The following IL17RC variants were observed in gnomAD, a reference collection of about 807,000 sequenced individuals.
IL17RC encodes the protein interleukin 17 receptor C.
Under a neutral mutation model 86.7 loss-of-function variants are expected in IL17RC, and 53 were observed. That is an observed-to-expected ratio of 0.61 (90% CI 0.49 to 0.77). IL17RC has a LOEUF of 0.77. IL17RC is among the 30% of genes least tolerant of loss of function. IL17RC has a pLI of 0.00. For missense variants in IL17RC, 957 were observed against 940.0 expected (o/e 1.02, Z -0.24); for synonymous variants, 439 against 413.1 (o/e 1.06, Z -0.76).
In IL17RC at chr3:9,918,317, G is replaced by C; in HGVS notation, c.281-18G>C. On this transcript the variant is annotated intron_variant, in intron 3 of 18. Coordinates refer to ENST00000403601, the MANE Select transcript of IL17RC (RefSeq NM_153460.4). The stretch of plus-strand genomic sequence containing the variant: ...AGCAGGGGGCCTCACCCAGGGCCTT[G>C]CTCTTGGGTCCTTCTAGGGCACTGG... 6.4e-7 allele frequency: 1 copy of C among 1,568,514 alleles called. No individual in the cohort carries two copies. The highest frequency in any genetic ancestry group is 2.4e-5 in the East Asian group (1 of 42,186).
At chr3:9,921,396 A>G (rs1477086671) in intron 7 of IL17RC, among the ~76,000 whole-genome samples, 1 of 152,106 alleles carries the variant, frequency 6.6e-6, no homozygotes, top group Non-Finnish European at 1.5e-5. Context: ...CAGGGGCTAC[A>G]GTAAGCTGAG....
At position 9,930,282 on chromosome 3, in the gene IL17RC, C is replaced by T. The variant is rs1018517959; in HGVS notation, c.1279-118C>T. The T allele has an allele frequency of 2.7e-5, 41 of 1,516,048 alleles. No individual in the cohort carries two copies. Among genetic ancestry groups the T allele is most frequent in the Middle Eastern group, 1.7e-4 (1 of 5,766 alleles). 93.9% of individuals were successfully genotyped at this position (1,516,048 alleles called of 1,614,324 possible). A position where few individuals can be genotyped will look rare whatever the true frequency, so the allele number is the denominator to read the frequency against. On this transcript the variant is annotated intron_variant, in intron 14 of 18. Transcript: ENST00000403601. This position sits in a 1 kb window ranked among gnomAD's most constrained non-coding sequence, Gnocchi z 5.8. ...TGACTCAGACCAGGGCCATATTCAG[C>T]GGCATCACCAAAGTCTCCCAGTCCC...
chr3:9,931,085 A>G, intron 16 of IL17RC, 142 bp downstream of exon 16: 1 of 768,390 alleles, frequency 1.3e-6, no homozygotes, highest in Non-Finnish European at 2.3e-6. Flanking sequence ...ATTCACTCAA[A>G]AAATGATGAG....
chr3:9,932,505 A>C (rs2084835131), intron 16 of IL17RC, 103 bp from the exon 17 acceptor site: 2 of 1,056,636 alleles, frequency 1.9e-6, no homozygotes, highest in East Asian at 4.7e-5. Flanking sequence ...GGATTATATA[A>C]AGGCATGAGC....
chr3:9,918,483 T>C lies in IL17RC; in HGVS notation c.356-17T>C. ...GCCGCTCCTGGGCCTGACTGACCCC[T>C]GCCCTGTTGCCCACAGCCTCTCTCC... On this transcript the variant is annotated splice_polypyrimidine_tract_variant and intron_variant, in intron 4 of 18. Transcript: ENST00000403601. The C allele has an allele frequency of 6.2e-7, 1 of 1,611,970 alleles. No homozygotes were observed. The highest frequency in any genetic ancestry group is 8.5e-7 in the Non-Finnish European group (1 of 1,178,058).
At position 9,930,277 on chromosome 3, in the gene IL17RC, T is replaced by TTC. The variant is rs900501483; in HGVS notation, c.1279-122_1279-121dup. 3.3e-6 allele frequency: 5 copies of TTC among 1,523,638 alleles called. No individual in the cohort carries two copies. Among genetic ancestry groups the TTC allele is most frequent in the Non-Finnish European group, 3.6e-6 (4 of 1,106,676 alleles). 94.4% of individuals were successfully genotyped at this position (1,523,638 alleles called of 1,614,324 possible). A position where few individuals can be genotyped will look rare whatever the true frequency, so the allele number is the denominator to read the frequency against. On this transcript the variant is annotated intron_variant, in intron 14 of 18. Coordinates refer to ENST00000403601, the MANE Select transcript of IL17RC (RefSeq NM_153460.4). This position sits in a 1 kb window ranked among gnomAD's most constrained non-coding sequence, Gnocchi z 5.8. ...GGGGGTGACTCAGACCAGGGCCATA[T>TTC]TCAGCGGCATCACCAAAGTCTCCCA...
rs763687642 is a variant in IL17RC at position 9,932,948 on chromosome 3, G to C, written c.1523-5G>C. On this transcript the variant is annotated splice_polypyrimidine_tract_variant and splice_region_variant and intron_variant, in intron 18 of 18. Coordinates refer to ENST00000403601, the MANE Select transcript of IL17RC (RefSeq NM_153460.4). ...TCTTCCCTCCCCATCTGTTTTCTCCGGCAGCGGCCGCCAGGGGCCGCGCGG... is the reference window on the plus strand; with the variant it reads ...TCTTCCCTCCCCATCTGTTTTCTCCCGCAGCGGCCGCCAGGGGCCGCGCGG... The C allele has an allele frequency of 6.2e-6, 10 of 1,608,790 alleles. No homozygotes were observed. Among genetic ancestry groups the C allele is most frequent in the South Asian group, 3.3e-5 (3 of 90,704 alleles).
rs770372179 is a variant in IL17RC at position 9,930,251 on chromosome 3, G to T, written c.1278+102G>T. 3.2e-6 allele frequency: 5 copies of T among 1,548,336 alleles called. No homozygotes were observed. Among genetic ancestry groups the T allele is most frequent in the Non-Finnish European group, 3.5e-6 (4 of 1,129,612 alleles). On this transcript the variant is annotated intron_variant, in intron 14 of 18. Coordinates refer to ENST00000403601, the MANE Select transcript of IL17RC (RefSeq NM_153460.4). This position sits in a 1 kb window ranked among gnomAD's most constrained non-coding sequence, Gnocchi z 5.8. ...ACCCTGTGCCGGTCTCTGGGAACATGGGGGGTGACTCAGACCAGGGCCATA... is the reference window on the plus strand; with the variant it reads ...ACCCTGTGCCGGTCTCTGGGAACATTGGGGGTGACTCAGACCAGGGCCATA...
At chr3:9,928,084 A>G in intron 9 of IL17RC, 82 bp from the exon 10 acceptor site, 2 of 1,317,028 alleles carry the variant, frequency 1.5e-6, no homozygotes, top group Non-Finnish European at 2.2e-6. Flanking sequence ...TACCTGCTGA[A>G]TGAGTGCATC....
In IL17RC at chr3:9,928,239, G is replaced by A. The variant is rs1228148471; in HGVS notation, c.877+19G>A. On this transcript the variant is annotated intron_variant, in intron 10 of 18. Transcript: ENST00000403601. ...AGGGAGGGTGAGCCGACCGGCCTGGGGCTGGGGTTGGGGTGTTGCGAGCGA... is the reference window on the plus strand; with the variant it reads ...AGGGAGGGTGAGCCGACCGGCCTGGAGCTGGGGTTGGGGTGTTGCGAGCGA... 6.3e-7 allele frequency: 1 copy of A among 1,574,976 alleles called. No homozygotes were observed. Among genetic ancestry groups the A allele is most frequent in the Non-Finnish European group, 8.5e-7 (1 of 1,171,526 alleles).
rs1480461047 is a variant in IL17RC, at chr3:9,923,787, G to C, written c.623-94G>C. The C allele has an allele frequency of 2.8e-6, 4 of 1,403,962 alleles. No individual in the cohort carries two copies. In the African/African-American group the frequency reaches 5.6e-5, roughly 20 times the overall value. The allele number at this position is 1,403,962 out of a possible 1,614,324, so 87.0% of individuals were successfully genotyped here. A position where few individuals can be genotyped will look rare whatever the true frequency, so the allele number is the denominator to read the frequency against. On this transcript the variant is annotated intron_variant, in intron 7 of 18. Transcript: ENST00000403601. ...CGCTCTGCCCTCCGAGAGCCTCCCAGTCTAGGGGGTTTGAAGGAAACTCCA... is the reference window on the plus strand; with the variant it reads ...CGCTCTGCCCTCCGAGAGCCTCCCACTCTAGGGGGTTTGAAGGAAACTCCA...
At chr3:9,931,477 A>ATATATATG (rs1553593551) in intron 16 of IL17RC, among the ~76,000 whole-genome samples, 5 of 15,046 alleles carry the variant, frequency 3.3e-4, no homozygotes, top group African/African-American at 4.6e-4. Context: ...ACACATATAT[A>ATATATATG]TATATATATA....
At position 9,932,823 on chromosome 3, in the gene IL17RC, G is replaced by T. The variant is rs760707054; in HGVS notation, c.1487G>T (p.Trp496Leu). The change falls in exon 18 of 19, where the codon TGG becomes TTG. Residue 496 changes from tryptophan (W) to leucine (L), a missense_variant. Trp to Leu is a moderately conservative substitution (Grantham distance 61). Transcript: ENST00000403601. ...LLLKKDHAKG[W>L]LRLLKQDVRS... Reference sequence around the variant, plus strand: ...CTCCGCCCCTCTCCCCTAACAGGGTGGCTGAGGCTCTTGAAACAGGACGTC... The same window carrying T: ...CTCCGCCCCTCTCCCCTAACAGGGTTGCTGAGGCTCTTGAAACAGGACGTC... The T allele has an allele frequency of 2.6e-6, 4 of 1,563,074 alleles. No homozygotes were observed. The Admixed American group carries it at 7.8e-5, about 31-fold the overall frequency.
intron 3 of IL17RC, 104 bp downstream of exon 3, chr3:9,918,179 TCTC>T: frequency 7.3e-7 from 1 of 1,367,256 alleles, no homozygotes; most frequent in African/African-American, 1.4e-5. Context: ...TCCTCAGTGT[TCTC>T]CTGGAGGACA....
At chr3:9,932,903 C>A in intron 18 of IL17RC, 45 bp downstream of exon 18, 1 of 1,603,534 alleles carries the variant, frequency 6.2e-7, no homozygotes, top group South Asian at 1.1e-5. Context: ...CCCGGGGAGC[C>A]AGGCCTGTGC....
intron 7 of IL17RC, 49 bp from the exon 8 acceptor site, chr3:9,923,832 A>G (rs1353658963): frequency 1.9e-6 from 3 of 1,602,220 alleles, no homozygotes; most frequent in Admixed American, 1.7e-5. Flanking sequence ...TCGGGGATGC[A>G]GAAGAGGTGA....
intron 7 of IL17RC, among the ~76,000 whole-genome samples, chr3:9,921,488 A>C (rs1237573607): frequency 6.6e-6 from 1 of 151,944 alleles, no homozygotes; most frequent in Non-Finnish European, 1.5e-5. Context: ...AAAACAAAAA[A>C]CTTGAAATAA....
At chr3:9,923,540 A>T (rs1397501810) in intron 7 of IL17RC, among the ~76,000 whole-genome samples, 1 of 150,972 alleles carries the variant, frequency 6.6e-6, no homozygotes, top group African/African-American at 2.4e-5. Context: ...ACAGAGCAAG[A>T]CTCCCTCTCA....
chr3:9,917,919 A>G lies in IL17RC; in HGVS notation c.128-4A>G, dbSNP rs1453475941. On this transcript the variant is annotated splice_polypyrimidine_tract_variant and splice_region_variant and intron_variant, in intron 2 of 18. Transcript: ENST00000403601. ...TCAGCTCCCACCCGCTCCTCCACAC[A>G]CAGACAGTGACATACTCTGCCTGCC... is the stretch of plus-strand genomic sequence containing the variant. 1 of 1,613,152 alleles carries G rather than the reference A, an allele frequency of 6.2e-7. No individual in the cohort carries two copies. The highest frequency in any genetic ancestry group is 1.3e-5 in the African/African-American group (1 of 75,004).
Sources: allele counts gnomAD v4.1 joint callset (sites outside exome capture counted in the v4.1 genomes callset), GRCh38; gene constraint gnomAD v4.1.1; non-coding constraint Gnocchi (gnomAD v3.1); transcripts MANE v1.5; gene names NCBI Gene and HGNC (gene_info 2026-07-23, HGNC 2026-07-21).